ADAMTS17: variants seen among roughly 807,000 people sequenced by gnomAD.
ADAMTS17 encodes ADAM metallopeptidase with thrombospondin type 1 motif 17.
A neutral mutation model predicts 141.5 loss-of-function variants in ADAMTS17; 113 were observed. That is an observed-to-expected ratio of 0.80 (90% confidence interval 0.69 to 0.93). The LOEUF is 0.93. ADAMTS17 is among the 40% of genes least tolerant of loss of function. The probability of loss-of-function intolerance (pLI) is 0.00; values close to 1 mark genes in which losing one functional copy is unlikely to be tolerated. For synonymous variants in ADAMTS17, 768 were observed against 630.6 expected, an observed-to-expected ratio of 1.22 and a Z score of -3.27; for missense variants, 1,659 against 1,517.9, an observed-to-expected ratio of 1.09 and a Z score of -1.54.
At chr15:99,988,724 C>T (rs528331957) in intron 20 of ADAMTS17, among the ~76,000 whole-genome samples, 1 of 152,248 alleles carries the variant, frequency 6.6e-6, no homozygotes, top group Admixed American at 6.5e-5. Flanking sequence ...AGGCAAAAGG[C>T]TCCATCTTAC....
intron 3 of ADAMTS17, among the ~76,000 whole-genome samples, chr15:100,286,410 C>T (rs1024405270): frequency 2.0e-5 from 3 of 152,144 alleles, no homozygotes; most frequent in Admixed American, 6.5e-5. Flanking sequence ...AGTACTGTGG[C>T]CAGCACCCCA....
intron 18 of ADAMTS17, among the ~76,000 whole-genome samples, chr15:100,023,237 T>C (rs1292086608): frequency 6.6e-6 from 1 of 152,114 alleles, no homozygotes; most frequent in African/African-American, 2.4e-5. Flanking sequence ...GTTTCACTTT[T>C]GTTGCCCAGG....
intron 8 of ADAMTS17, among the ~76,000 whole-genome samples, chr15:100,193,875 G>A (rs1208413108): frequency 1.3e-5 from 2 of 152,186 alleles, no homozygotes; most frequent in Non-Finnish European, 2.9e-5. Flanking sequence ...GTCTGGAGAA[G>A]CTCCTTCCCG....
At chr15:100,024,294 T>C (rs1430290212) in intron 18 of ADAMTS17, among the ~76,000 whole-genome samples, 1 of 152,206 alleles carries the variant, frequency 6.6e-6, no homozygotes, top group African/African-American at 2.4e-5. Flanking sequence ...TGTTGTCTCA[T>C]TTTGTTGCCC....
chr15:100,025,130 T>C (rs2061482347), intron 18 of ADAMTS17, among the ~76,000 whole-genome samples: 1 of 152,230 alleles, frequency 6.6e-6, no homozygotes, highest in Non-Finnish European at 1.5e-5. Context: ...TATAAATGGC[T>C]GCTGTGTTAT....
intron 8 of ADAMTS17, among the ~76,000 whole-genome samples, chr15:100,187,158 G>A (rs74660797): frequency 0.036 from 5,520 of 152,240 alleles, 171 homozygotes; most frequent in East Asian, 0.17. Flanking sequence ...TGGTGTGTAA[G>A]GTGAGACTTG....
intron 8 of ADAMTS17, among the ~76,000 whole-genome samples, chr15:100,156,144 G>A (rs1461653348): frequency 6.6e-6 from 1 of 152,180 alleles, no homozygotes; most frequent in Non-Finnish European, 1.5e-5. Context: ...GGACCACAAG[G>A]AAAAGACCTC....
chr15:100,081,900 T>C (rs1158272809), intron 15 of ADAMTS17, among the ~76,000 whole-genome samples: 1 of 152,256 alleles, frequency 6.6e-6, no homozygotes, highest in Non-Finnish European at 1.5e-5. Flanking sequence ...TTGCCCATTT[T>C]TCTACCATCT....
intron 7 of ADAMTS17, among the ~76,000 whole-genome samples, chr15:100,216,665 T>C (rs2041977720): frequency 6.6e-6 from 1 of 152,208 alleles, no homozygotes; most frequent in Non-Finnish European, 1.5e-5. Flanking sequence ...ACACCTATCC[T>C]GACACAGTCT....
intron 18 of ADAMTS17, among the ~76,000 whole-genome samples, chr15:100,029,082 G>T (rs543662800): frequency 6.6e-6 from 1 of 152,272 alleles, no homozygotes; most frequent in Non-Finnish European, 1.5e-5. Context: ...GTGCACTTGG[G>T]TCTTTCCATC....
Position 99,972,632 on chromosome 15 carries a change from AGGCCGCGGGGCGAGGGTG to A in ADAMTS17, c.*1752_*1769del, listed in dbSNP as rs1174144910. On this transcript the variant is annotated 3_prime_UTR_variant, in exon 22 of 22. Coordinates refer to ENST00000268070, the MANE Select transcript of ADAMTS17 (RefSeq NM_139057.4). ...TGAAGGGGAGGACAGCAGTCTGCGC[AGGCCGCGGGGCGAGGGTG>A]GGCCGCTCCATCCTGACACCCTCGG... 1.3e-5 allele frequency: 2 copies of A among 152,046 alleles called. No individual in the cohort carries two copies. Among genetic ancestry groups the A allele is most frequent in the African/African-American group, 2.4e-5 (1 of 41,430 alleles). 9.4% of individuals were successfully genotyped at this position (152,046 alleles called of 1,614,324 possible). A position where few individuals can be genotyped will look rare whatever the true frequency, so the allele number is the denominator to read the frequency against.
rs1196187608 is a variant in ADAMTS17, at chr15:100,109,108, A to G, written c.1897T>C (p.Cys633Arg). 3.7e-6 allele frequency: 6 copies of G among 1,612,238 alleles called. No homozygotes were observed. The highest frequency in any genetic ancestry group is 5.1e-6 in the Non-Finnish European group (6 of 1,179,198). The change falls in exon 14 of 22, where the codon TGT (cysteine) becomes CGT (arginine). Residue 633 changes from cysteine to arginine, a missense_variant. Coordinates refer to ENST00000268070, the MANE Select transcript of ADAMTS17 (RefSeq NM_139057.4). ...CCGAGGGGCGAGCAGTAGAGTTCACATGGCTTATCTGAGGAGGGAAAGGTT... is the reference window on the plus strand; with the variant it reads ...CCGAGGGGCGAGCAGTAGAGTTCACGTGGCTTATCTGAGGAGGGAAAGGTT... ...LTAVVVDDKP[C>R]ELYCSPLGKE... is the part of the protein sequence containing the mutation.
At chr15:100,030,156 G>C (rs557628326) in intron 18 of ADAMTS17, among the ~76,000 whole-genome samples, 1 of 152,244 alleles carries the variant, frequency 6.6e-6, no homozygotes, top group Admixed American at 6.5e-5. Flanking sequence ...CTGTTCTCAT[G>C]ATTCAGGGTA....
chr15:99,975,591 C>T (rs2060305372), intron 21 of ADAMTS17, among the ~76,000 whole-genome samples: 1 of 152,148 alleles, frequency 6.6e-6, no homozygotes, highest in South Asian at 2.1e-4. Context: ...TCCGAGCACC[C>T]AGGGCCAAAC....
At chr15:100,285,736 G>A (rs1412269887) in intron 3 of ADAMTS17, among the ~76,000 whole-genome samples, 1 of 152,234 alleles carries the variant, frequency 6.6e-6, no homozygotes, top group African/African-American at 2.4e-5. Flanking sequence ...GCTGCTGAGA[G>A]AGGTGGCAGG....
chr15:100,241,957 A>G (rs1043896594), intron 7 of ADAMTS17, among the ~76,000 whole-genome samples: 2 of 152,202 alleles, frequency 1.3e-5, no homozygotes, highest in African/African-American at 4.8e-5. Flanking sequence ...TCGCCCTGAC[A>G]TAACCTTCCT....
intron 15 of ADAMTS17, among the ~76,000 whole-genome samples, chr15:100,069,018 C>G (rs1386960842): frequency 6.6e-6 from 1 of 152,164 alleles, no homozygotes; most frequent in East Asian, 1.9e-4. Context: ...GAATGGCTAA[C>G]TAGAATAACC....
At chr15:100,233,691 G>A (rs1235522609) in intron 7 of ADAMTS17, among the ~76,000 whole-genome samples, 2 of 152,130 alleles carry the variant, frequency 1.3e-5, no homozygotes, top group East Asian at 1.9e-4. Flanking sequence ...TGGAGAGGCC[G>A]CTTCTGTCTC....
chr15:100,087,019 C>T (rs1596385175), intron 15 of ADAMTS17, among the ~76,000 whole-genome samples: 1 of 151,988 alleles, frequency 6.6e-6, no homozygotes, highest in African/African-American at 2.4e-5. Flanking sequence ...AATAGAGACA[C>T]AAAAAACCCT....
Sources: gnomAD v4.1 joint callset for allele counts (sites outside exome capture counted in the v4.1 genomes callset) on GRCh38, gnomAD v4.1.1 for gene constraint, MANE v1.5 for transcripts, NCBI Gene and HGNC (gene_info 2026-07-23, HGNC 2026-07-21) for gene names.